LRCH1: variants seen among roughly 807,000 people sequenced by gnomAD.
The protein encoded by LRCH1 is leucine-rich repeat and calponin homology domain-containing protein 1.
LRCH1 carries 23 observed loss-of-function variants against 94.9 expected under a neutral mutation model. The ratio of observed to expected loss-of-function variants is 0.24; its 90% CI spans 0.17 to 0.34. The LOEUF is 0.34. Among genes scored for constraint, LRCH1 ranks in the 10% least tolerant of loss-of-function variants. LRCH1 has a pLI of 1.00. For missense variants in LRCH1, 790 were observed against 945.9 expected, an observed-to-expected ratio of 0.84 and a Z score of 2.16; for synonymous variants, 364 against 354.9, an observed-to-expected ratio of 1.03 and a Z score of -0.29.
chr13:46,663,078 T>C (rs9526214), intron 2 of LRCH1, among the ~76,000 whole-genome samples: 116,167 of 152,094 alleles, frequency 0.76, 44,648 homozygotes, highest in East Asian at 0.91. Context: ...CAAATGATTG[T>C]CACAGTCAGG....
Position 46,687,935 on chromosome 13 carries a change from C to T in LRCH1, c.906C>T (p.Leu302=). The change falls in exon 6 of 20, where the codon CTC becomes CTT. Residue 302 remains leucine (L), a synonymous_variant. Transcript: ENST00000389797. ...TTAAGACAGCTGACTCCCTTTATCTCCACACCATGGAGAGGCCACATTTAC... is the reference window on the plus strand; with the variant it reads ...TTAAGACAGCTGACTCCCTTTATCTTCACACCATGGAGAGGCCACATTTAC... ...CQIKTADSLY[L]HTMERPHLHQ... 1 of 1,612,830 alleles carries T rather than the reference C, an allele frequency of 6.2e-7. No individual in the cohort carries two copies. The highest frequency in any genetic ancestry group is 8.5e-7 in the Non-Finnish European group (1 of 1,179,418).
chr13:46,717,937 C>T (rs551655036), intron 16 of LRCH1, among the ~76,000 whole-genome samples: 4 of 152,244 alleles, frequency 2.6e-5, no homozygotes, highest in Middle Eastern at 3.4e-3. Flanking sequence ...TTCTCAAAGT[C>T]CCCAAAGTTC....
At chr13:46,677,396 C>T (rs976137444) in intron 3 of LRCH1, among the ~76,000 whole-genome samples, 3 of 152,132 alleles carry the variant, frequency 2.0e-5, no homozygotes. Flanking sequence ...CGCCATCGCA[C>T]TCCAATCTGG....
intron 13 of LRCH1, among the ~76,000 whole-genome samples, chr13:46,708,435 C>T (rs551473012): frequency 1.3e-5 from 2 of 152,152 alleles, no homozygotes; most frequent in South Asian, 4.2e-4. Context: ...CCATGCCTGG[C>T]TAATTTTTGT....
At chr13:46,631,094 A>C (rs776952975) in intron 1 of LRCH1, among the ~76,000 whole-genome samples, 6 of 152,154 alleles carry the variant, frequency 3.9e-5, no homozygotes, top group Non-Finnish European at 8.8e-5. Context: ...TTCAACTCTG[A>C]GGTATTTTGG....
chr13:46,741,496 T>C, intron 19 of LRCH1, 146 bp from the exon 20 acceptor site: 2 of 864,164 alleles, frequency 2.3e-6, no homozygotes. Context: ...TCTTTGATGA[T>C]GAAAGGGTCT....
chr13:46,571,228 C>T (rs1312587860), intron 1 of LRCH1, among the ~76,000 whole-genome samples: 5 of 152,212 alleles, frequency 3.3e-5, no homozygotes, highest in Admixed American at 2.0e-4. Context: ...GCTGTTTGTG[C>T]GAGTCATCCA....
In LRCH1 at chr13:46,729,095, T is replaced by C. The variant is rs181973865; in HGVS notation, c.2007+111T>C. ...TAGGAGCTTGCTCAAATCTTTTCCA[T>C]TGGGCCCCAAACCATTATAAGGCAG... On this transcript the variant is annotated intron_variant, in intron 18 of 19. Transcript: ENST00000389797. The C allele has an allele frequency of 2.5e-5, 26 of 1,049,922 alleles. No homozygotes were observed. In the East Asian group the frequency reaches 2.6e-4, roughly 10 times the overall value. 65.0% of individuals were successfully genotyped at this position (1,049,922 alleles called of 1,614,324 possible). A position where few individuals can be genotyped will look rare whatever the true frequency, so the allele number is the denominator to read the frequency against.
chr13:46,649,882 A>G (rs1474537724), intron 1 of LRCH1, among the ~76,000 whole-genome samples: 2 of 152,122 alleles, frequency 1.3e-5, no homozygotes, highest in African/African-American at 4.8e-5. Context: ...ATGTATTCAG[A>G]TACGTTAAAG....
exon 19 of LRCH1, chr13:46,752,017 C>G (rs1403950487): frequency 6.6e-6 from 1 of 152,524 alleles, no homozygotes; most frequent in Non-Finnish European, 1.5e-5. Flanking sequence ...GGCAGCACCA[C>G]CAAGGCAGGC....
intron 11 of LRCH1, among the ~76,000 whole-genome samples, chr13:46,703,250 G>T (rs570264657): frequency 1.3e-5 from 2 of 152,320 alleles, no homozygotes; most frequent in Non-Finnish European, 2.9e-5. Flanking sequence ...GAATCAGGAA[G>T]TAGTGTGGCT....
chr13:46,749,561 G>GTA (rs942243681), downstream of LRCH1, among the ~76,000 whole-genome samples: 133 of 152,132 alleles, frequency 8.7e-4, no homozygotes, highest in African/African-American at 3.1e-3. Context: ...ATTCCACAAT[G>GTA]TATACTTTTA....
chr13:46,716,964 G>A (rs1872353721), intron 16 of LRCH1, among the ~76,000 whole-genome samples: 2 of 151,880 alleles, frequency 1.3e-5, no homozygotes, highest in African/African-American at 2.4e-5. Flanking sequence ...CTATTTATGG[G>A]CCTAATGTTG....
intron 1 of LRCH1, among the ~76,000 whole-genome samples, chr13:46,575,962 C>T (rs1013550074): frequency 4.6e-5 from 7 of 152,110 alleles, no homozygotes; most frequent in African/African-American, 1.7e-4. Flanking sequence ...TAAAATAGTA[C>T]ATCATCTCAG....
intron 1 of LRCH1, among the ~76,000 whole-genome samples, chr13:46,649,890 A>G (rs2051270410): frequency 6.6e-6 from 1 of 152,168 alleles, no homozygotes; most frequent in Non-Finnish European, 1.5e-5. Flanking sequence ...AGATACGTTA[A>G]AGGATAGCAT....
intron 13 of LRCH1, among the ~76,000 whole-genome samples, chr13:46,708,382 C>T (rs1159347057): frequency 6.6e-6 from 1 of 151,046 alleles, no homozygotes; most frequent in Non-Finnish European, 1.5e-5. Context: ...AGCAATTCTC[C>T]TGCCTCAGCT....
intron 3 of LRCH1, among the ~76,000 whole-genome samples, chr13:46,669,490 A>C (rs1460865643): frequency 6.6e-6 from 1 of 152,256 alleles, no homozygotes; most frequent in Non-Finnish European, 1.5e-5. Context: ...TGCCAAAATA[A>C]TCTCCAAATA....
chr13:46,640,462 A>G (rs79388890), intron 1 of LRCH1, among the ~76,000 whole-genome samples: 1 of 152,206 alleles, frequency 6.6e-6, no homozygotes, highest in Admixed American at 6.5e-5. Flanking sequence ...GCTGTCTGAC[A>G]TGAGGACCTG....
intron 1 of LRCH1, among the ~76,000 whole-genome samples, chr13:46,571,332 T>C (rs1054489334): frequency 1.3e-5 from 2 of 152,114 alleles, no homozygotes; most frequent in Non-Finnish European, 2.9e-5. Flanking sequence ...TTCCATTGAG[T>C]GTGCTGTGTG....
Sources: allele counts gnomAD v4.1 joint callset (sites outside exome capture counted in the v4.1 genomes callset), GRCh38; gene constraint gnomAD v4.1.1; transcripts MANE v1.5; gene names NCBI Gene and HGNC (gene_info 2026-07-23, HGNC 2026-07-21).